FAF1: variants seen among roughly 807,000 people sequenced by gnomAD.
The protein encoded by FAF1 is Fas associated factor 1, also known as FAS-associated factor 1.
FAF1 carries 25 observed loss-of-function variants against 92.5 expected under a neutral mutation model. The ratio of observed to expected loss-of-function variants is 0.27; its 90% CI spans 0.20 to 0.38. The LOEUF is 0.38. Ranked by LOEUF, FAF1 falls within the 10% of genes least tolerant of loss-of-function variation. FAF1 has a pLI of 1.00. For missense variants in FAF1, 636 were observed against 793.3 expected (o/e 0.80, Z 2.38); for synonymous variants, 234 against 273.2 (o/e 0.86, Z 1.42).
chr1:50,599,528 T>C (rs996479500), intron 8 of FAF1, among the ~76,000 whole-genome samples: 1 of 152,248 alleles, frequency 6.6e-6, no homozygotes, highest in African/African-American at 2.4e-5. Flanking sequence ...ATTTACTCAC[T>C]GTAAAAATGG....
intron 2 of FAF1, among the ~76,000 whole-genome samples, chr1:50,809,142 T>C (rs1476580864): frequency 2.0e-5 from 3 of 152,108 alleles, no homozygotes; most frequent in Non-Finnish European, 4.4e-5. Flanking sequence ...GAAAAGTTTA[T>C]AGCGCTGAAC....
chr1:50,629,789 T>C (rs1472661371), intron 8 of FAF1, among the ~76,000 whole-genome samples: 1 of 152,134 alleles, frequency 6.6e-6, no homozygotes, highest in African/African-American at 2.4e-5. Flanking sequence ...CCAGGTGCAG[T>C]GGCTCACGCC....
At chr1:50,929,724 A>G (rs1459556611) in intron 1 of FAF1, among the ~76,000 whole-genome samples, 4 of 152,240 alleles carry the variant, frequency 2.6e-5, no homozygotes, top group South Asian at 2.1e-4. Flanking sequence ...ATATAGTGGG[A>G]AAAAGATGTG....
intron 12 of FAF1, among the ~76,000 whole-genome samples, chr1:50,578,954 A>C (rs1218142465): frequency 6.6e-6 from 1 of 152,184 alleles, no homozygotes; most frequent in Non-Finnish European, 1.5e-5. Context: ...AGGAAAGAAG[A>C]AAGCCCTGGA....
At chr1:50,644,493 T>C (rs1654487656) in intron 8 of FAF1, among the ~76,000 whole-genome samples, 3 of 152,266 alleles carry the variant, frequency 2.0e-5, no homozygotes, top group Admixed American at 2.0e-4. Flanking sequence ...GGGAACCCCA[T>C]GCAGATTTCT....
At chr1:50,846,711 T>G in intron 2 of FAF1, 1 of 615,236 alleles carries the variant, frequency 1.6e-6, no homozygotes, top group Non-Finnish European at 3.1e-6. Context: ...ATGGAGCACT[T>G]CTCCAAACGT....
intron 15 of FAF1, among the ~76,000 whole-genome samples, chr1:50,523,448 T>C (rs1238589494): frequency 2.0e-5 from 3 of 152,220 alleles, no homozygotes; most frequent in East Asian, 1.9e-4. Context: ...TTTAAAATTA[T>C]AGCCATCCTT....
chr1:50,637,552 T>C (rs887693552), intron 8 of FAF1, among the ~76,000 whole-genome samples: 3 of 152,110 alleles, frequency 2.0e-5, no homozygotes, highest in Admixed American at 6.6e-5. Flanking sequence ...CCAATTTCTA[T>C]GAAAAATGCT....
At chr1:50,672,112 C>G (rs1655916356) in intron 7 of FAF1, among the ~76,000 whole-genome samples, 1 of 151,538 alleles carries the variant, frequency 6.6e-6, no homozygotes, top group South Asian at 2.1e-4. Context: ...GTGGCGCGAT[C>G]TCAGCTCACT....
At chr1:50,536,356 CT>C in intron 14 of FAF1, among the ~76,000 whole-genome samples, 1 of 152,162 alleles carries the variant, frequency 6.6e-6, no homozygotes, top group African/African-American at 2.4e-5. Context: ...TATGACAATT[CT>C]CTTCTCTCAA....
chr1:50,498,656 C>T lies in FAF1; in HGVS notation c.1495-6855G>A, dbSNP rs147315718. 7.9e-3 allele frequency among the ~76,000 whole-genome samples: 1,206 copies of T among 152,174 alleles called. 13 individuals carry two copies. The highest frequency in any genetic ancestry group is 0.027 in the African/African-American group (1,137 of 41,514). On this transcript the variant is annotated intron_variant, in intron 15 of 18. Transcript: ENST00000396153. ...CCTGAGGTCAGGAGTTCGAGACCAGCCTGACCAATATGGTGAAACCCCATC... is the reference window on the plus strand; with the variant it reads ...CCTGAGGTCAGGAGTTCGAGACCAGTCTGACCAATATGGTGAAACCCCATC...
chr1:50,892,162 G>A (rs924406842), intron 1 of FAF1, among the ~76,000 whole-genome samples: 3 of 152,214 alleles, frequency 2.0e-5, no homozygotes, highest in Non-Finnish European at 4.4e-5. Context: ...CAAGCCAGGA[G>A]TGGGATATAA....
intron 7 of FAF1, among the ~76,000 whole-genome samples, chr1:50,678,377 C>T (rs1444987363): frequency 1.3e-5 from 2 of 152,174 alleles, no homozygotes; most frequent in Admixed American, 6.5e-5. Flanking sequence ...ATCACACAGT[C>T]TTAAGTTATC....
Position 50,809,621 on chromosome 1 carries a change from T to A in FAF1, c.115-7944A>T, listed in dbSNP as rs1361428098. On this transcript the variant is annotated intron_variant, in intron 2 of 18. Transcript: ENST00000396153. ...ATAAATTATGAAATTGAATGACTAATAATAAGCCTACCAATGAAAAAAAGG... is the reference window on the plus strand; with the variant it reads ...ATAAATTATGAAATTGAATGACTAAAAATAAGCCTACCAATGAAAAAAAGG... Among the ~76,000 whole-genome samples, 5 of 152,124 alleles carry A rather than the reference T, an allele frequency of 3.3e-5. No homozygotes were observed. In the East Asian group the frequency reaches 9.6e-4, roughly 29 times the overall value.
At chr1:50,731,370 CTCT>C (rs766811334) in intron 6 of FAF1, among the ~76,000 whole-genome samples, 1 of 149,024 alleles carries the variant, frequency 6.7e-6, no homozygotes, top group African/African-American at 2.4e-5. Context: ...TTTATCTTTT[CTCT>C]TTTTTTTTTT....
chr1:50,668,917 T>C (rs1163730231), intron 7 of FAF1, among the ~76,000 whole-genome samples: 1 of 152,126 alleles, frequency 6.6e-6, no homozygotes, highest in Non-Finnish European at 1.5e-5. Context: ...GTTAAAAAAT[T>C]ACTCCTATTT....
At chr1:50,632,117 C>CTGATGAT (rs1653817036) in intron 8 of FAF1, among the ~76,000 whole-genome samples, 1 of 152,084 alleles carries the variant, frequency 6.6e-6, no homozygotes, top group Admixed American at 6.6e-5. Context: ...AAGCAAATGA[C>CTGATGAT]TGATGATTAA....
chr1:50,744,698 C>T lies in FAF1; in HGVS notation c.445G>A (p.Asp149Asn). The T allele has an allele frequency of 1.2e-6, 2 of 1,605,384 alleles. No homozygotes were observed. ...KMLLKGWKTG[D>N]VEDSTVLKSL... ...AAGAAACTCACACTGTCTTCCACATCTCCCGTCTTCCAGCCTTTTAACAGC... is the reference window on the plus strand; with the variant it reads ...AAGAAACTCACACTGTCTTCCACATTTCCCGTCTTCCAGCCTTTTAACAGC... Residue 149 changes from aspartate to asparagine, a missense_variant, in exon 5 of 19, where the codon GAT (aspartate) becomes AAT (asparagine). Physicochemically the swap from Asp to Asn is conservative, Grantham distance 23. Coordinates refer to ENST00000396153, the MANE Select transcript of FAF1 (RefSeq NM_007051.3).
intron 12 of FAF1, among the ~76,000 whole-genome samples, chr1:50,576,839 T>G (rs910456387): frequency 1.3e-5 from 2 of 151,602 alleles, no homozygotes; most frequent in Admixed American, 1.3e-4. Context: ...TTTCTTTTTT[T>G]TTTTTTTGTA....
Sources: gnomAD v4.1 joint callset for allele counts (sites outside exome capture counted in the v4.1 genomes callset) on GRCh38, gnomAD v4.1.1 for gene constraint, MANE v1.5 for transcripts, NCBI Gene and HGNC (gene_info 2026-07-23, HGNC 2026-07-21) for gene names.